The following CDKN2B-AS1 variants were observed in gnomAD, a reference collection of about 807,000 sequenced individuals.
CDKN2B-AS1 encodes the protein CDKN2B antisense RNA 1 (non-protein coding).
chr9:22,035,109 TATA>T (rs1191375267), intron 1 of CDKN2B-AS1, among the ~76,000 whole-genome samples: 1 of 152,166 alleles, frequency 6.6e-6, no homozygotes, highest in East Asian at 1.9e-4. Flanking sequence ...AAATGGTGAC[TATA>T]ATGATTCTTA....
At chr9:22,041,138 T>G (rs894484735) in intron 1 of CDKN2B-AS1, among the ~76,000 whole-genome samples, 3 of 151,924 alleles carry the variant, frequency 2.0e-5, no homozygotes, top group Non-Finnish European at 2.9e-5. Flanking sequence ...GTGTAAGAGA[T>G]AAAACTGGGA....
intron 1 of CDKN2B-AS1, chr9:22,029,530 C>A: frequency 1.3e-6 from 1 of 779,352 alleles, no homozygotes; most frequent in Non-Finnish European, 2.4e-6. Flanking sequence ...TCCGTCCTGG[C>A]CCCCATGACT....
In CDKN2B-AS1 at chr9:22,001,316, G is replaced by A. The variant is rs1820908958; in HGVS notation, n.29+6155G>A. The stretch of plus-strand genomic sequence containing the variant: ...CAGAGCTGACTCCATATATCTACTG[G>A]AAGTCTAATGCCAGGGGCTTCTGAG... On this transcript the variant is annotated intron_variant and non_coding_transcript_variant, in intron 1 of 4. Coordinates refer to ENST00000650946, the Ensembl canonical transcript of CDKN2B-AS1. This position sits in a 1 kb window ranked among gnomAD's most constrained non-coding sequence, Gnocchi z 4.2. 1.3e-5 allele frequency among the ~76,000 whole-genome samples: 2 copies of A among 152,246 alleles called. No homozygotes were observed. Among genetic ancestry groups the A allele is most frequent in the South Asian group, 2.1e-4 (1 of 4,826 alleles).
chr9:22,037,066 C>A (rs1479631505), intron 1 of CDKN2B-AS1, among the ~76,000 whole-genome samples: 1 of 151,990 alleles, frequency 6.6e-6, no homozygotes, highest in East Asian at 1.9e-4. Context: ...ACGCTGATGG[C>A]AAGGATCATG....
chr9:22,097,848 T>C (rs2131351029), intron 4 of CDKN2B-AS1, among the ~76,000 whole-genome samples: 1 of 152,328 alleles, frequency 6.6e-6, no homozygotes, highest in Non-Finnish European at 1.5e-5. Context: ...CTGTTGCAAT[T>C]TCTTTGACCC....
At chr9:22,014,502 A>C (rs1197041005) in intron 1 of CDKN2B-AS1, among the ~76,000 whole-genome samples, 2 of 151,948 alleles carry the variant, frequency 1.3e-5, no homozygotes, top group African/African-American at 4.8e-5. Context: ...TTCATTATCT[A>C]CTTCATTGCT....
intron 1 of CDKN2B-AS1, among the ~76,000 whole-genome samples, chr9:22,009,558 A>C (rs1045595593): frequency 6.6e-6 from 1 of 152,272 alleles, no homozygotes; most frequent in Non-Finnish European, 1.5e-5. Flanking sequence ...TATTTTGGGA[A>C]TGTTCACCAC....
chr9:22,093,011 C>G (rs1371081915), intron 4 of CDKN2B-AS1, among the ~76,000 whole-genome samples: 1 of 152,134 alleles, frequency 6.6e-6, no homozygotes. Flanking sequence ...CCCAGAGATT[C>G]TGGTATGTTG....
intron 1 of CDKN2B-AS1, chr9:22,003,379 G>A: frequency 8.9e-6 from 2 of 224,662 alleles, no homozygotes; most frequent in East Asian, 1.3e-4. Context: ...GTTGTCATTA[G>A]GAAAGATTCC....
rs1820883282 is a variant in CDKN2B-AS1, at chr9:22,000,738, A to G, written n.29+5577A>G. On this transcript the variant is annotated intron_variant and non_coding_transcript_variant, in intron 1 of 4. Coordinates refer to ENST00000650946, the Ensembl canonical transcript of CDKN2B-AS1. The surrounding 1 kb of genome is among the most constrained non-coding windows in gnomAD (Gnocchi z 4.1). ...TATGTTTGTGTATTATTGCTTATAAATATATTCTAAAATATATAATAACAA... is the reference window on the plus strand; with the variant it reads ...TATGTTTGTGTATTATTGCTTATAAGTATATTCTAAAATATATAATAACAA... Among the ~76,000 whole-genome samples the G allele has an allele frequency of 1.3e-5, 2 of 152,210 alleles. No homozygotes were observed. The highest frequency in any genetic ancestry group is 2.1e-4 in the South Asian group (1 of 4,838).
exon 3 of CDKN2B-AS1, chr9:22,049,116 T>A (rs1265561001): frequency 6.6e-6 from 1 of 152,202 alleles, no homozygotes; most frequent in South Asian, 2.1e-4. Flanking sequence ...GGTTCAAGCA[T>A]CACTGTTAGG....
intron 4 of CDKN2B-AS1, chr9:22,113,746 T>A (rs1412269785): frequency 6.6e-6 from 1 of 150,922 alleles, no homozygotes; most frequent in Non-Finnish European, 1.5e-5. Flanking sequence ...TTACTGTATC[T>A]CATTGGGGAT....
At chr9:22,037,170 G>T (rs373789854) in intron 1 of CDKN2B-AS1, among the ~76,000 whole-genome samples, 1 of 152,202 alleles carries the variant, frequency 6.6e-6, no homozygotes, top group African/African-American at 2.4e-5. Context: ...ATGTGTGTTA[G>T]AGAAATCATA....
intron 4 of CDKN2B-AS1, among the ~76,000 whole-genome samples, chr9:22,060,313 C>G (rs944862059): frequency 2.0e-5 from 3 of 152,184 alleles, no homozygotes; most frequent in Non-Finnish European, 2.9e-5. Context: ...CCTAAATCAT[C>G]TCTCTCAAGT....
At chr9:22,070,288 C>A (rs973386555) in intron 4 of CDKN2B-AS1, among the ~76,000 whole-genome samples, 4 of 152,090 alleles carry the variant, frequency 2.6e-5, no homozygotes, top group African/African-American at 4.8e-5. Context: ...TATTGAATGA[C>A]TGCTGTTTCA....
chr9:22,103,168 T>TGA (rs1825545604), intron 4 of CDKN2B-AS1, among the ~76,000 whole-genome samples: 1 of 145,954 alleles, frequency 6.9e-6, no homozygotes, highest in Non-Finnish European at 1.5e-5. Flanking sequence ...TGTGTGTGTG[T>TGA]GTGTGTGTGT....
At chr9:22,126,380 G>A (rs1818023323) in intron 4 of CDKN2B-AS1, among the ~76,000 whole-genome samples, 1 of 151,922 alleles carries the variant, frequency 6.6e-6, no homozygotes, top group South Asian at 2.1e-4. Context: ...TTCTTTTGTA[G>A]GTTTATTTTT....
At chr9:22,069,699 G>A (rs1463562884) in intron 4 of CDKN2B-AS1, among the ~76,000 whole-genome samples, 2 of 151,850 alleles carry the variant, frequency 1.3e-5, no homozygotes, top group East Asian at 1.9e-4. Context: ...TAGCTCTTTC[G>A]TAATATCAAT....
At chr9:22,069,553 A>G (rs561632643) in intron 4 of CDKN2B-AS1, among the ~76,000 whole-genome samples, 16 of 152,178 alleles carry the variant, frequency 1.1e-4, no homozygotes, top group Non-Finnish European at 2.2e-4. Flanking sequence ...ATAGTTACAC[A>G]TAATTATGGG....
Sources: gnomAD v4.1 joint callset for allele counts (sites outside exome capture counted in the v4.1 genomes callset) on GRCh38, gnomAD v4.1.1 for gene constraint, Gnocchi (gnomAD v3.1) non-coding constraint, MANE v1.5 for transcripts, NCBI Gene and HGNC (gene_info 2026-07-23, HGNC 2026-07-21) for gene names.